Variants in ELMO1 observed in about 807,000 individuals in gnomAD.
The protein encoded by ELMO1 is engulfment and cell motility protein 1.
Under a neutral mutation model 98.9 loss-of-function variants are expected in ELMO1, and 26 were observed. That is an observed-to-expected ratio of 0.26 (90% CI 0.19 to 0.36). The LOEUF (loss-of-function observed/expected upper bound fraction) is 0.36, where lower values mean the gene tolerates loss of function less well. ELMO1 is among the 10% of genes least tolerant of loss of function. The probability of loss-of-function intolerance (pLI) is 1.00; values close to 1 mark genes in which losing one functional copy is unlikely to be tolerated. For missense variants in ELMO1, 627 were observed against 935.2 expected, an observed-to-expected ratio of 0.67 and a Z score of 4.30; for synonymous variants, 346 against 346.0, an observed-to-expected ratio of 1.00 and a Z score of 0.00.
intron 5 of ELMO1, among the ~76,000 whole-genome samples, chr7:37,264,146 A>T (rs1796125802): frequency 6.6e-6 from 1 of 152,218 alleles, no homozygotes; most frequent in Non-Finnish European, 1.5e-5. Flanking sequence ...TTTATTGTTT[A>T]TGGGAGGTGG....
chr7:37,022,033 T>C (rs1794299178), intron 15 of ELMO1, among the ~76,000 whole-genome samples: 1 of 152,176 alleles, frequency 6.6e-6, no homozygotes, highest in Non-Finnish European at 1.5e-5. Context: ...ATTGGTTGAA[T>C]TGGGCCAGTT....
intron 15 of ELMO1, among the ~76,000 whole-genome samples, chr7:37,068,808 C>T (rs1797118673): frequency 6.6e-6 from 1 of 152,032 alleles, no homozygotes. Context: ...AGGTCTGGGC[C>T]CCACAAGCAA....
rs199965057 is a variant in ELMO1, at chr7:37,136,303, G to A, written c.1087-3069C>T. Reference sequence around the variant, plus strand: ...CAAAAGTTTGGAAAACATATTTCTGGGAGTAATTGAGGAAAACTCCCTCAA... The same window carrying A: ...CAAAAGTTTGGAAAACATATTTCTGAGAGTAATTGAGGAAAACTCCCTCAA... On this transcript the variant is annotated intron_variant, in intron 13 of 21. Transcript: ENST00000310758. 1.2e-4 allele frequency among the ~76,000 whole-genome samples: 18 copies of A among 152,166 alleles called. No homozygotes were observed. In the East Asian group the frequency reaches 3.5e-3, roughly 29 times the overall value.
intron 4 of ELMO1, among the ~76,000 whole-genome samples, chr7:37,302,415 T>A (rs1262010984): frequency 6.6e-6 from 1 of 152,070 alleles, no homozygotes; most frequent in Non-Finnish European, 1.5e-5. Context: ...TCTGCTTGGT[T>A]CTCTTCAAAC....
At chr7:37,272,547 C>T (rs187101258) in intron 4 of ELMO1, among the ~76,000 whole-genome samples, 7,287 of 152,078 alleles carry the variant, frequency 0.048, 235 homozygotes, top group Middle Eastern at 0.068. Flanking sequence ...TAGTGGCAGG[C>T]GCCTGTAATC....
chr7:37,093,182 T>A (rs1225641472), intron 15 of ELMO1, among the ~76,000 whole-genome samples: 1 of 152,168 alleles, frequency 6.6e-6, no homozygotes, highest in Non-Finnish European at 1.5e-5. Context: ...GTGCTGTTTT[T>A]TTTTTTAAAG....
intron 15 of ELMO1, among the ~76,000 whole-genome samples, chr7:37,091,396 C>T (rs1288408066): frequency 2.0e-5 from 3 of 152,200 alleles, no homozygotes; most frequent in African/African-American, 7.2e-5. Context: ...CGTGAGCTAC[C>T]ATGCCCAGCC....
intron 6 of ELMO1, among the ~76,000 whole-genome samples, chr7:37,250,346 T>C (rs962232922): frequency 4.6e-5 from 7 of 152,214 alleles, no homozygotes; most frequent in Admixed American, 1.3e-4. Context: ...ATTCTACTTT[T>C]ATAAAGCCTG....
chr7:37,104,548 G>T (rs1261112378), intron 14 of ELMO1, among the ~76,000 whole-genome samples: 1 of 152,168 alleles, frequency 6.6e-6, no homozygotes, highest in Non-Finnish European at 1.5e-5. Context: ...TCACCAGCAT[G>T]CCCTTAAGTA....
At chr7:37,046,320 C>T (rs966398104) in intron 15 of ELMO1, among the ~76,000 whole-genome samples, 1 of 152,192 alleles carries the variant, frequency 6.6e-6, no homozygotes, top group African/African-American at 2.4e-5. Flanking sequence ...CAGAACATCT[C>T]AGATGACACT....
intron 15 of ELMO1, among the ~76,000 whole-genome samples, chr7:37,065,812 G>T (rs1175331126): frequency 6.6e-6 from 1 of 152,092 alleles, no homozygotes; most frequent in Non-Finnish European, 1.5e-5. Context: ...CAACATTCAC[G>T]CAATCTGGGA....
chr7:37,004,949 A>C (rs893241106), intron 16 of ELMO1, among the ~76,000 whole-genome samples: 1 of 151,756 alleles, frequency 6.6e-6, no homozygotes, highest in African/African-American at 2.4e-5. Context: ...TCTCTACTAA[A>C]AATACAAAAA....
intron 14 of ELMO1, among the ~76,000 whole-genome samples, chr7:37,122,084 C>T (rs992319816): frequency 1.3e-5 from 2 of 152,104 alleles, no homozygotes; most frequent in African/African-American, 4.8e-5. Context: ...CAAACAAATG[C>T]TGAGAGATTT....
chr7:37,058,430 T>C (rs1313243723), intron 15 of ELMO1, among the ~76,000 whole-genome samples: 1 of 152,098 alleles, frequency 6.6e-6, no homozygotes, highest in Non-Finnish European at 1.5e-5. Context: ...TCTCTCTCTC[T>C]TGCTCTCTTC....
intron 12 of ELMO1, 133 bp from the exon 13 acceptor site, chr7:37,211,650 G>A (rs1792981823): frequency 8.2e-7 from 1 of 1,222,998 alleles, no homozygotes; most frequent in East Asian, 2.6e-5. Context: ...ACAGATAAAA[G>A]AGAACCAATG....
intron 18 of ELMO1, among the ~76,000 whole-genome samples, chr7:36,886,826 T>C (rs1805049524): frequency 1.3e-5 from 2 of 152,234 alleles, no homozygotes; most frequent in East Asian, 1.9e-4. Flanking sequence ...GGTTAGAATT[T>C]ATAGAGACAA....
At chr7:37,102,809 C>T (rs1784708992) in intron 14 of ELMO1, among the ~76,000 whole-genome samples, 1 of 152,148 alleles carries the variant, frequency 6.6e-6, no homozygotes, top group African/African-American at 2.4e-5. Context: ...TGGCCTAACC[C>T]CAAAGCACAT....
intron 16 of ELMO1, among the ~76,000 whole-genome samples, chr7:36,951,448 C>T (rs1787958108): frequency 6.6e-6 from 1 of 152,202 alleles, no homozygotes; most frequent in South Asian, 2.1e-4. Context: ...GTGCTTTCCT[C>T]CACACTTCAC....
intron 16 of ELMO1, among the ~76,000 whole-genome samples, chr7:36,961,202 A>G (rs1483698088): frequency 3.3e-5 from 5 of 152,156 alleles, no homozygotes; most frequent in Admixed American, 6.5e-5. Flanking sequence ...TCTCCTTCCC[A>G]TATACCTTCT....
Sources: gnomAD v4.1 joint callset for allele counts (sites outside exome capture counted in the v4.1 genomes callset) on GRCh38, gnomAD v4.1.1 for gene constraint, MANE v1.5 for transcripts, NCBI Gene and HGNC (gene_info 2026-07-23, HGNC 2026-07-21) for gene names.